CHN2: variants seen among roughly 807,000 people sequenced by gnomAD.
The protein encoded by CHN2 is chimerin 2, also known as beta-chimaerin.
In CHN2, 35 loss-of-function variants were observed where a neutral mutation model predicts 56.3. The observed-to-expected ratio is 0.62, with a 90% CI of 0.47 to 0.82. CHN2 has a LOEUF of 0.82. Among genes scored for constraint, CHN2 ranks in the 40% least tolerant of loss-of-function variants. The probability of loss-of-function intolerance (pLI) is 0.00; values close to 1 mark genes in which losing one functional copy is unlikely to be tolerated. For synonymous variants in CHN2, 210 were observed against 212.8 expected (o/e 0.99, Z 0.12); for missense variants, 491 against 580.5 (o/e 0.85, Z 1.58).
chr7:29,267,609 G>GCT (rs1790258909), intron 1 of CHN2, among the ~76,000 whole-genome samples: 1 of 152,166 alleles, frequency 6.6e-6, no homozygotes, highest in Non-Finnish European at 1.5e-5. Context: ...ACAGAGAAGA[G>GCT]TTTGATGGAG....
At chr7:29,215,125 C>G (rs749682310) in intron 1 of CHN2, among the ~76,000 whole-genome samples, 5 of 152,186 alleles carry the variant, frequency 3.3e-5, no homozygotes, top group Non-Finnish European at 7.3e-5. Flanking sequence ...GAGAGTGAAT[C>G]TGGACTCTGT....
At chr7:29,351,202 A>C (rs965966109) in intron 1 of CHN2, among the ~76,000 whole-genome samples, 1 of 151,992 alleles carries the variant, frequency 6.6e-6, no homozygotes, top group African/African-American at 2.4e-5. Context: ...AAAGATGAAC[A>C]TTGGGAGGTT....
intron 1 of CHN2, among the ~76,000 whole-genome samples, chr7:29,264,522 G>A (rs904322705): frequency 1.3e-5 from 2 of 152,180 alleles, no homozygotes; most frequent in African/African-American, 2.4e-5. Context: ...GCCCAACCCC[G>A]TGCTCTCTGA....
intron 1 of CHN2, among the ~76,000 whole-genome samples, chr7:29,334,013 C>T (rs146491339): frequency 2.2e-4 from 33 of 151,378 alleles, no homozygotes; most frequent in African/African-American, 6.3e-4. Context: ...AGATTAAATA[C>T]ATCTCAAAAG....
In CHN2 at chr7:29,355,933, C is replaced by A. The variant is rs542364675; in HGVS notation, c.88+1270C>A. ...CAAGTACCTGGGACTGTTAAAGGCG[C>A]CATCACACCCAGATAATTTTTTGTA... On this transcript the variant is annotated intron_variant, in intron 2 of 12. Transcript: ENST00000222792. Among the ~76,000 whole-genome samples the A allele has an allele frequency of 3.3e-5, 5 of 151,736 alleles. No individual in the cohort carries two copies. In the South Asian group the frequency reaches 8.4e-4, roughly 25 times the overall value.
chr7:29,284,498 CAGCCTATGGGA>C (rs1472948123), intron 1 of CHN2, among the ~76,000 whole-genome samples: 1 of 152,200 alleles, frequency 6.6e-6, no homozygotes, highest in African/African-American at 2.4e-5. Context: ...CTGTTGTGAA[CAGCCTATGGGA>C]AGGGGCCACG....
chr7:29,483,696 C>T (rs1787612747), intron 7 of CHN2: 1 of 290,646 alleles, frequency 3.4e-6, no homozygotes, highest in African/African-American at 2.3e-5. Context: ...GTAACTGGAA[C>T]AGCTCTCTTT....
At chr7:29,240,019 A>G (rs1406215676) in intron 1 of CHN2, among the ~76,000 whole-genome samples, 2 of 152,226 alleles carry the variant, frequency 1.3e-5, no homozygotes, top group African/African-American at 4.8e-5. Flanking sequence ...CAAACAAAAT[A>G]TATCTGGGGC....
At chr7:29,420,897 C>T (rs867346836) in intron 6 of CHN2, among the ~76,000 whole-genome samples, 144 of 151,668 alleles carry the variant, frequency 9.5e-4, no homozygotes, top group African/African-American at 3.2e-3. Flanking sequence ...GCAACCCCTG[C>T]CCCCCAGGTT....
At chr7:29,461,166 A>G (rs1170635931) in intron 6 of CHN2, among the ~76,000 whole-genome samples, 1 of 152,232 alleles carries the variant, frequency 6.6e-6, no homozygotes, top group Non-Finnish European at 1.5e-5. Context: ...TCTCAAGGAC[A>G]TGCCCTTAGT....
intron 1 of CHN2, among the ~76,000 whole-genome samples, chr7:29,253,257 A>G (rs1168567452): frequency 6.6e-6 from 1 of 152,194 alleles, no homozygotes; most frequent in Non-Finnish European, 1.5e-5. Context: ...TGTCATCCTT[A>G]TATGTGGCAT....
chr7:29,326,527 C>T (rs1795817024), intron 1 of CHN2, among the ~76,000 whole-genome samples: 1 of 152,220 alleles, frequency 6.6e-6, no homozygotes, highest in African/African-American at 2.4e-5. Flanking sequence ...TGTGGAGAGA[C>T]ATCCTGTCCT....
intron 1 of CHN2, among the ~76,000 whole-genome samples, chr7:29,343,977 G>T (rs1013342388): frequency 3.9e-5 from 6 of 152,178 alleles, no homozygotes; most frequent in African/African-American, 1.4e-4. Flanking sequence ...CCCCTGGTCT[G>T]CCCCTTTCTG....
At chr7:29,418,466 A>C (rs966515031) in intron 6 of CHN2, among the ~76,000 whole-genome samples, 1 of 152,262 alleles carries the variant, frequency 6.6e-6, no homozygotes, top group South Asian at 2.1e-4. Context: ...CTTTAAAGAA[A>C]TCCTAATTCC....
chr7:29,401,147 A>C (rs1229015943), intron 6 of CHN2: 2 of 275,726 alleles, frequency 7.3e-6, no homozygotes, highest in Non-Finnish European at 1.4e-5. Context: ...GGGCGCCTGT[A>C]GTCCCAGTTA....
chr7:29,473,764 T>C (rs551129962), intron 6 of CHN2, among the ~76,000 whole-genome samples: 1 of 152,132 alleles, frequency 6.6e-6, no homozygotes, highest in South Asian at 2.1e-4. Context: ...CCAGATTTAG[T>C]TGTAGAATAG....
chr7:29,352,105 A>G lies in CHN2; in HGVS notation c.50-2520A>G, dbSNP rs549635003. Among the ~76,000 whole-genome samples the G allele has an allele frequency of 3.3e-5, 5 of 152,304 alleles. No individual in the cohort carries two copies. The South Asian group carries it at 1.0e-3, about 32-fold the overall frequency. On this transcript the variant is annotated intron_variant, in intron 1 of 12. Coordinates refer to ENST00000222792, the MANE Select transcript of CHN2 (RefSeq NM_004067.4). ...AGCTGAACTTCTGACTTTAGGTAAGAAGACCTTAGATCCAAGTGGAGCATC... is the reference window on the plus strand; with the variant it reads ...AGCTGAACTTCTGACTTTAGGTAAGGAGACCTTAGATCCAAGTGGAGCATC...
At chr7:29,476,362 C>T (rs1464288397) in intron 6 of CHN2, among the ~76,000 whole-genome samples, 3 of 151,794 alleles carry the variant, frequency 2.0e-5, no homozygotes, top group African/African-American at 7.3e-5. Context: ...CATGGTGAAA[C>T]CCCATCTCTA....
At chr7:29,224,803 A>G (rs372691405) in intron 1 of CHN2, among the ~76,000 whole-genome samples, 19 of 152,222 alleles carry the variant, frequency 1.2e-4, no homozygotes, top group East Asian at 9.6e-4. Flanking sequence ...TCACAAGATA[A>G]TCTTATTTGT....
Sources: gnomAD v4.1 joint callset for allele counts (sites outside exome capture counted in the v4.1 genomes callset) on GRCh38, gnomAD v4.1.1 for gene constraint, MANE v1.5 for transcripts, NCBI Gene and HGNC (gene_info 2026-07-23, HGNC 2026-07-21) for gene names.